Variants in SMURF1 observed in about 807,000 individuals in gnomAD.
The protein encoded by SMURF1 is E3 ubiquitin-protein ligase SMURF1.
Under a neutral mutation model 98.0 loss-of-function variants are expected in SMURF1, and 44 were observed. The observed-to-expected ratio is 0.45, with a 90% CI of 0.35 to 0.58. The LOEUF is 0.58. Among genes scored for constraint, SMURF1 ranks in the 20% least tolerant of loss-of-function variants. The pLI, the probability that SMURF1 is intolerant of heterozygous loss-of-function variation, is 0.00. For synonymous variants in SMURF1, 396 were observed against 374.9 expected (o/e 1.06, Z -0.65); for missense variants, 687 against 938.4 (o/e 0.73, Z 3.50).
intron 1 of SMURF1, among the ~76,000 whole-genome samples, chr7:99,108,719 TTCCA>T (rs975287287): frequency 1.3e-5 from 2 of 151,368 alleles, no homozygotes; most frequent in Admixed American, 6.6e-5. Context: ...ATTTCTTCAA[TTCCA>T]TCACTAGACA....
intron 1 of SMURF1, among the ~76,000 whole-genome samples, chr7:99,093,013 C>G: frequency 6.6e-6 from 1 of 152,122 alleles, no homozygotes; most frequent in East Asian, 1.9e-4. Flanking sequence ...TCGCCACACC[C>G]CAGGAACTAT....
At chr7:99,065,865 G>A (rs1445979590) in intron 1 of SMURF1, among the ~76,000 whole-genome samples, 1 of 152,136 alleles carries the variant, frequency 6.6e-6, no homozygotes, top group Non-Finnish European at 1.5e-5. Flanking sequence ...GGCCAACATG[G>A]TGAAACCCCG....
chr7:99,037,051 C>T lies in SMURF1; in HGVS notation c.1809+16G>A. 6.2e-7 allele frequency: 1 copy of T among 1,613,406 alleles called. No individual in the cohort carries two copies. Among genetic ancestry groups the T allele is most frequent in the Non-Finnish European group, 8.5e-7 (1 of 1,179,964 alleles). ...ACAGGGACGCCCTGGGTCGACTCCG[C>T]ACAGCAGGCACATACCTCCAGTTCC... On this transcript the variant is annotated intron_variant, in intron 15 of 17. Transcript: ENST00000361368.
intron 3 of SMURF1, 54 bp from the exon 4 acceptor site, chr7:99,057,605 GTTTT>G: frequency 7.2e-6 from 8 of 1,104,812 alleles, no homozygotes; most frequent in South Asian, 4.0e-5. Flanking sequence ...TTTTTGTTTT[GTTTT>G]TTTTTTTTTT....
chr7:99,121,728 T>C (rs927644890), intron 1 of SMURF1, among the ~76,000 whole-genome samples: 1 of 152,138 alleles, frequency 6.6e-6, no homozygotes, highest in African/African-American at 2.4e-5. Context: ...TGATAGGCGA[T>C]TTGGCGGTTT....
intron 1 of SMURF1, among the ~76,000 whole-genome samples, chr7:99,087,216 A>T (rs1796702073): frequency 6.6e-6 from 1 of 151,894 alleles, no homozygotes; most frequent in African/African-American, 2.4e-5. Context: ...CAAAAAAAAA[A>T]AATTTTAATT....
intron 4 of SMURF1, 42 bp downstream of exon 4, chr7:99,057,376 T>G (rs1795902453): frequency 1.2e-6 from 2 of 1,611,884 alleles, no homozygotes; most frequent in Non-Finnish European, 1.7e-6. Flanking sequence ...TCCTAAGCTT[T>G]CTTTGGTTGC....
Position 99,100,918 on chromosome 7 carries a change from G to A in SMURF1, c.56-39081C>T, listed in dbSNP as rs188520085. Among the ~76,000 whole-genome samples, 247 of 152,302 alleles carry A rather than the reference G, an allele frequency of 1.6e-3. 1 individual carries two copies. Among genetic ancestry groups the A allele is most frequent in the Non-Finnish European group, 2.8e-3 (188 of 68,032 alleles). ...TTTAAATCCAAAGCCGAGAAAGAGT[G>A]TTTCAGAGATAAGCAAGGTGGAGAA... On this transcript the variant is annotated intron_variant, in intron 1 of 17. Coordinates refer to ENST00000361368, the MANE Select transcript of SMURF1 (RefSeq NM_181349.3).
At chr7:99,058,929 T>C (rs550873560) in intron 3 of SMURF1, among the ~76,000 whole-genome samples, 48 of 151,528 alleles carry the variant, frequency 3.2e-4, no homozygotes, top group Non-Finnish European at 6.5e-4. Context: ...ACTAAAAATA[T>C]AAAAATTAGC....
intron 1 of SMURF1, among the ~76,000 whole-genome samples, chr7:99,076,510 T>C (rs1223098677): frequency 6.6e-6 from 1 of 152,210 alleles, no homozygotes; most frequent in Non-Finnish European, 1.5e-5. Flanking sequence ...ACCTGACCAG[T>C]GCTTCTCAAA....
In SMURF1 at chr7:99,042,154, G is replaced by A. The variant is rs530259895; in HGVS notation, c.1335C>T (p.Tyr445=). The change falls in exon 12 of 18, where the codon TAC becomes TAT. Residue 445 remains tyrosine (Y), a synonymous_variant. Transcript: ENST00000361368. The stretch of plus-strand genomic sequence containing the variant: ...AAGAATCCGGATTTATTTGCAACAT[G>A]TAAATATTGTCCGTAGAATACTGGA... ...GLFQYSTDNI[Y]MLQINPDSSI... 4.3e-6 allele frequency: 7 copies of A among 1,613,972 alleles called. No individual in the cohort carries two copies. In the Admixed American group the frequency reaches 6.7e-5, roughly 15 times the overall value.
chr7:99,073,765 C>CAAA (rs764379109), intron 1 of SMURF1, among the ~76,000 whole-genome samples: 1 of 102,236 alleles, frequency 9.8e-6, no homozygotes. Flanking sequence ...GATTCCATCT[C>CAAA]AAAAAAAAAA....
At chr7:99,030,963 G>A (rs548381642) in intron 17 of SMURF1, 78 of 313,432 alleles carry the variant, frequency 2.5e-4, no homozygotes, top group Admixed American at 7.9e-4. Flanking sequence ...CCCTCTCAAC[G>A]TGCTGGGAGC....
chr7:99,050,897 G>C (rs763921308), intron 8 of SMURF1: 21 of 1,358,912 alleles, frequency 1.5e-5, no homozygotes, highest in Non-Finnish European at 1.9e-5. Flanking sequence ...TATGGGGTGG[G>C]GGGGGGGTCT....
rs201404018 is a variant in SMURF1 at position 99,035,625 on chromosome 7, C to T, written c.1901G>A (p.Arg634Gln). 9.2e-5 allele frequency: 149 copies of T among 1,614,232 alleles called. No homozygotes were observed. Among genetic ancestry groups the T allele is most frequent in the East Asian group, 5.8e-4 (26 of 44,890 alleles). ...KHCVADSNIV[R>Q]WFWQAVETFD... ...CGTCTCCACCGCTTGCCAGAACCAC[C>T]GCACGATGTTGCTGTCGGCCACACA... Residue 634 changes from arginine to glutamine, a missense_variant, in exon 16 of 18, where the codon CGG becomes CAG. By Grantham distance (43) the Arg-to-Gln change is conservative (BLOSUM62 1). Transcript: ENST00000361368.
chr7:99,140,093 TG>T, intron 1 of SMURF1, among the ~76,000 whole-genome samples: 1 of 152,250 alleles, frequency 6.6e-6, no homozygotes, highest in East Asian at 1.9e-4. Context: ...AGTATTATAA[TG>T]GAGCTGAAAT....
chr7:99,030,274 T>A lies in SMURF1; in HGVS notation c.*310A>T. ...CGTAAAGAGCTCAGGGCTGTGAGCC[T>A]TATCACCACATGGGTTGCAACACAG... is the stretch of plus-strand genomic sequence containing the variant. On this transcript the variant is annotated 3_prime_UTR_variant, in exon 18 of 18. Coordinates refer to ENST00000361368, the MANE Select transcript of SMURF1 (RefSeq NM_181349.3). 1 of 322,978 alleles carries A rather than the reference T, an allele frequency of 3.1e-6. No homozygotes were observed. The highest frequency in any genetic ancestry group is 3.6e-5 in the South Asian group (1 of 28,074). The allele number at this position is 322,978 out of a possible 1,614,324, so 20.0% of individuals were successfully genotyped here.
At chr7:99,048,687 C>T (rs954970636) in intron 9 of SMURF1, 1 of 152,214 alleles carries the variant, frequency 6.6e-6, no homozygotes, top group East Asian at 1.9e-4. Flanking sequence ...ATTTCTACAC[C>T]TGCTCATTGA....
rs768113108 is a variant in SMURF1, at chr7:99,035,521, A to G, written c.2005T>C (p.Leu669=). 7 of 1,614,102 alleles carry G rather than the reference A, an allele frequency of 4.3e-6. No individual in the cohort carries two copies. In the East Asian group the frequency reaches 1.1e-4, roughly 26 times the overall value. ...CTGCCTCCACGTCAGTCACCTTGCA[A>G]AGCCTTGAAGCCTTGGAGCGGGACT... ...TRVPLQGFKA[L]QGSTGAAGPR... is the part of the protein sequence containing the mutation. Residue 669 remains leucine, a synonymous_variant, in exon 16 of 18, where the codon TTG becomes CTG. Coordinates refer to ENST00000361368, the MANE Select transcript of SMURF1 (RefSeq NM_181349.3).
Sources: gnomAD v4.1 joint callset for allele counts (sites outside exome capture counted in the v4.1 genomes callset) on GRCh38, gnomAD v4.1.1 for gene constraint, MANE v1.5 for transcripts, NCBI Gene and HGNC (gene_info 2026-07-23, HGNC 2026-07-21) for gene names.